The following CARS2 variants were observed in gnomAD, a reference collection of about 807,000 sequenced individuals.
The protein encoded by CARS2 is probable cysteine--tRNA ligase, mitochondrial.
CARS2 carries 52 observed loss-of-function variants against 68.8 expected under a neutral mutation model. The ratio of observed to expected loss-of-function variants is 0.76; its 90% CI spans 0.61 to 0.95. CARS2 has a LOEUF of 0.95. Ranked by LOEUF, CARS2 falls within the 40% of genes least tolerant of loss-of-function variation. The pLI, the probability that CARS2 is intolerant of heterozygous loss-of-function variation, is 0.00. For missense variants in CARS2, 780 were observed against 754.2 expected (o/e 1.03, Z -0.40); for synonymous variants, 314 against 303.6 (o/e 1.03, Z -0.36).
chr13:110,695,998 A>C (rs922323023), intron 3 of CARS2, among the ~76,000 whole-genome samples: 2 of 152,068 alleles, frequency 1.3e-5, no homozygotes, highest in African/African-American at 4.8e-5. Context: ...CTCATTGTTC[A>C]ACTCCCACTT....
At chr13:110,691,583 A>G (rs1396663241) in intron 3 of CARS2, among the ~76,000 whole-genome samples, 3 of 152,072 alleles carry the variant, frequency 2.0e-5, no homozygotes, top group African/African-American at 7.2e-5. Context: ...TGCGGCTATG[A>G]CGCCTCTATC....
In CARS2 at chr13:110,647,159, C is replaced by T. The variant is rs748825203; in HGVS notation, c.1135G>A (p.Ala379Thr). 5 of 1,611,714 alleles carry T rather than the reference C, an allele frequency of 3.1e-6. No homozygotes were observed. The Admixed American group carries it at 5.0e-5, about 16-fold the overall frequency. Reference sequence around the variant, plus strand: ...CAGGCCAGCTGCCCCTTCATGTAGGCACGTGCGTCCTCCAGGAAAGAGCCC... The same window carrying T: ...CAGGCCAGCTGCCCCTTCATGTAGGTACGTGCGTCCTCCAGGAAAGAGCCC... ...GLGSFLEDARAYMKGQLACGS... is the reference protein window; with the variant it reads ...GLGSFLEDARTYMKGQLACGS... The change falls in exon 11 of 15, where the codon GCC becomes ACC. Residue 379 changes from alanine (A) to threonine (T), a missense_variant. Transcript: ENST00000257347.
Position 110,705,555 on chromosome 13 carries a change from T to G in CARS2, c.241A>C (p.Thr81Pro). The G allele has an allele frequency of 6.2e-7, 1 of 1,613,302 alleles. No homozygotes were observed. Among genetic ancestry groups the G allele is most frequent in the South Asian group, 1.1e-5 (1 of 91,000 alleles). Residue 81 changes from threonine to proline, a missense_variant, in exon 2 of 15, where the codon ACT becomes CCT. Transcript: ENST00000257347. This position sits in a 1 kb window ranked among gnomAD's most constrained non-coding sequence, Gnocchi z 4.0. ...EAASWYSCGP[T>P]VYDHAHLGHA... ...CCAAGGTGCGCATGATCATATACAG[T>G]TGGTCCACAGCTATACCTGGAAACA...
intron 9 of CARS2, among the ~76,000 whole-genome samples, chr13:110,657,362 C>T (rs1215484493): frequency 1.3e-5 from 2 of 152,206 alleles, no homozygotes; most frequent in Non-Finnish European, 2.9e-5. Flanking sequence ...TTCAAAATCC[C>T]ATTTCCCCTC....
chr13:110,695,722 T>C (rs1186528497), intron 3 of CARS2, among the ~76,000 whole-genome samples: 1 of 151,538 alleles, frequency 6.6e-6, no homozygotes, highest in Non-Finnish European at 1.5e-5. Context: ...AGAAGAAAAA[T>C]AAAAGTTTTA....
chr13:110,654,180 C>A (rs1191628093), intron 9 of CARS2, among the ~76,000 whole-genome samples: 5 of 152,218 alleles, frequency 3.3e-5, no homozygotes, highest in Non-Finnish European at 7.3e-5. Context: ...GCTGCACACA[C>A]CCCTGGAGCC....
intron 3 of CARS2, among the ~76,000 whole-genome samples, chr13:110,693,061 G>A (rs2063518636): frequency 8.0e-6 from 1 of 125,548 alleles, no homozygotes; most frequent in Non-Finnish European, 1.6e-5. Context: ...AGTGGGCAGA[G>A]ATTGCACCAC....
intron 2 of CARS2, among the ~76,000 whole-genome samples, chr13:110,704,810 T>TA (rs2063893945): frequency 6.6e-6 from 1 of 152,214 alleles, no homozygotes; most frequent in African/African-American, 2.4e-5. Context: ...TACTAAGTTT[T>TA]AAAAAATCTA....
chr13:110,706,123 A>T, upstream of CARS2: 1 of 1,274,688 alleles, frequency 7.8e-7, no homozygotes, highest in Non-Finnish European at 9.9e-7. Context: ...GACTGGGCGG[A>T]GACGGGAGCC....
At chr13:110,681,572 G>T (rs1426748559) in intron 6 of CARS2, among the ~76,000 whole-genome samples, 1 of 152,194 alleles carries the variant, frequency 6.6e-6, no homozygotes, top group African/African-American at 2.4e-5. Context: ...TCTTCCCAGA[G>T]GACCCAGCAT....
intron 6 of CARS2, among the ~76,000 whole-genome samples, chr13:110,679,676 G>GAGGC (rs2063099475): frequency 8.2e-6 from 1 of 121,256 alleles, no homozygotes; most frequent in Non-Finnish European, 1.7e-5. Flanking sequence ...GGGAGGGAGG[G>GAGGC]AGGGAGGGAA....
intron 3 of CARS2, among the ~76,000 whole-genome samples, chr13:110,699,259 C>A (rs1055747293): frequency 6.6e-6 from 1 of 152,196 alleles, no homozygotes; most frequent in Non-Finnish European, 1.5e-5. Context: ...AAGACAAACA[C>A]CGTCTAATGC....
At chr13:110,681,511 A>G (rs1231286194) in intron 6 of CARS2, among the ~76,000 whole-genome samples, 1 of 152,190 alleles carries the variant, frequency 6.6e-6, no homozygotes, top group East Asian at 1.9e-4. Flanking sequence ...GGGATGCAAA[A>G]TGGTGCAGCC....
chr13:110,674,681 T>G (rs1397311474), intron 7 of CARS2, among the ~76,000 whole-genome samples: 1 of 152,076 alleles, frequency 6.6e-6, no homozygotes, highest in East Asian at 1.9e-4. Flanking sequence ...CCAAAAGCAA[T>G]GGCAACAAAA....
rs761927444 is a variant in CARS2 at position 110,642,617 on chromosome 13, C to T, written c.1417-96G>A. On this transcript the variant is annotated intron_variant, in intron 13 of 14. Transcript: ENST00000257347. ...GTTGGGCTCTGGGCCGACACCCACC[C>T]AGCCCTGGGCTTCCCTGATTCCCTG... 3 of 1,173,850 alleles carry T rather than the reference C, an allele frequency of 2.6e-6. No individual in the cohort carries two copies. The African/African-American group carries it at 4.5e-5, about 18-fold the overall frequency. 72.7% of individuals were successfully genotyped at this position (1,173,850 alleles called of 1,614,324 possible).
Position 110,646,107 on chromosome 13 carries a change from G to A in CARS2, c.1194-17C>T, listed in dbSNP as rs377292484. ...CTGGAGAGCCTGAGGGAAGAGGAGA[G>A]AACAGTCACAGCAGAGGGAGCTCCA... On this transcript the variant is annotated splice_polypyrimidine_tract_variant and intron_variant, in intron 11 of 14. Transcript: ENST00000257347. 5 of 1,610,666 alleles carry A rather than the reference G, an allele frequency of 3.1e-6. No individual in the cohort carries two copies. The highest frequency in any genetic ancestry group is 1.7e-4 in the Middle Eastern group (1 of 5,978).
intron 13 of CARS2, 103 bp from the exon 14 acceptor site, chr13:110,642,624 G>A (rs999658016): frequency 1.8e-6 from 2 of 1,107,950 alleles, no homozygotes; most frequent in Non-Finnish European, 1.4e-6. Flanking sequence ...ACCCAGCCCT[G>A]GGCTTCCCTG....
chr13:110,656,962 CATTTAAA>C (rs1462986195), intron 9 of CARS2, among the ~76,000 whole-genome samples: 1 of 151,720 alleles, frequency 6.6e-6, no homozygotes, highest in Admixed American at 6.6e-5. Flanking sequence ...TAAGCAGTAC[CATTTAAA>C]TAGTATACTT....
chr13:110,679,311 C>T (rs977665825), intron 6 of CARS2, among the ~76,000 whole-genome samples: 6 of 151,850 alleles, frequency 4.0e-5, no homozygotes, highest in African/African-American at 1.5e-4. Context: ...GGGCGGATCA[C>T]CTGAGGTCAG....
Sources: gnomAD v4.1 joint callset for allele counts (sites outside exome capture counted in the v4.1 genomes callset) on GRCh38, gnomAD v4.1.1 for gene constraint, Gnocchi (gnomAD v3.1) non-coding constraint, MANE v1.5 for transcripts, NCBI Gene and HGNC (gene_info 2026-07-23, HGNC 2026-07-21) for gene names.